The following SSX2IP variants were observed in gnomAD, a reference collection of about 807,000 sequenced individuals.
SSX2IP encodes afadin- and alpha-actinin-binding protein.
Under a neutral mutation model 84.9 loss-of-function variants are expected in SSX2IP, and 55 were observed. The observed-to-expected ratio is 0.65, with a 90% CI of 0.52 to 0.81. The LOEUF is 0.81. Among genes scored for constraint, SSX2IP ranks in the 30% least tolerant of loss-of-function variants. The pLI, the probability that SSX2IP is intolerant of heterozygous loss-of-function variation, is 0.00. For missense variants in SSX2IP, 664 were observed against 705.2 expected, an observed-to-expected ratio of 0.94 and a Z score of 0.66; for synonymous variants, 239 against 234.7, an observed-to-expected ratio of 1.02 and a Z score of -0.17.
intron 4 of SSX2IP, among the ~76,000 whole-genome samples, chr1:84,666,496 G>A (rs1652794209): frequency 6.6e-6 from 1 of 152,112 alleles, no homozygotes; most frequent in Non-Finnish European, 1.5e-5. Flanking sequence ...CCTGGAAAGA[G>A]CATCACTCCA....
intron 1 of SSX2IP, among the ~76,000 whole-genome samples, chr1:84,676,361 T>C (rs548046331): frequency 1.3e-5 from 2 of 152,320 alleles, no homozygotes; most frequent in African/African-American, 2.4e-5. Flanking sequence ...AATGTCTTTA[T>C]ACTGTAATAG....
At chr1:84,668,955 T>G (rs1653135439) in intron 4 of SSX2IP, among the ~76,000 whole-genome samples, 1 of 152,138 alleles carries the variant, frequency 6.6e-6, no homozygotes, top group Non-Finnish European at 1.5e-5. Context: ...AAATTTGACT[T>G]GGATTGATTT....
intron 1 of SSX2IP, among the ~76,000 whole-genome samples, chr1:84,686,300 A>G (rs903782503): frequency 6.6e-6 from 1 of 152,244 alleles, no homozygotes; most frequent in Non-Finnish European, 1.5e-5. Context: ...TGGCTGACTT[A>G]GTCAGTGACT....
chr1:84,643,887 C>T lies in SSX2IP; in HGVS notation c.*3546G>A, dbSNP rs184735946. On this transcript the variant is annotated 3_prime_UTR_variant, in exon 14 of 14. Coordinates refer to ENST00000342203, the MANE Select transcript of SSX2IP (RefSeq NM_001166293.2). ...CAGGAATCCATTATTTGTAAATGTT[C>T]AAAAAAACCTCAACCAGTCATTTGA... 1.3e-5 allele frequency: 2 copies of T among 152,024 alleles called. No homozygotes were observed. The highest frequency in any genetic ancestry group is 3.9e-4 in the East Asian group (2 of 5,180). 9.4% of individuals were successfully genotyped at this position (152,024 alleles called of 1,614,324 possible).
intron 11 of SSX2IP, 178 bp from the exon 12 acceptor site, chr1:84,652,175 A>G: frequency 3.7e-6 from 2 of 534,636 alleles, no homozygotes; most frequent in East Asian, 6.2e-5. Context: ...TAATCCCAGT[A>G]TTTTGGGAGG....
At chr1:84,688,817 C>A (rs1656167065) in intron 1 of SSX2IP, among the ~76,000 whole-genome samples, 1 of 152,178 alleles carries the variant, frequency 6.6e-6, no homozygotes, top group Non-Finnish European at 1.5e-5. Context: ...AGCTGCCTCA[C>A]CCATGTTACG....
At chr1:84,664,388 C>A in intron 6 of SSX2IP, 29 bp downstream of exon 6, 1 of 1,553,704 alleles carries the variant, frequency 6.4e-7, no homozygotes, top group Non-Finnish European at 8.6e-7. Flanking sequence ...CTTATTTATT[C>A]TCTTAGCTGA....
In SSX2IP at chr1:84,669,893, C is replaced by T; in HGVS notation, c.214G>A (p.Glu72Lys). Reference protein sequence around the residue: ...IEQSISYLDQELTTFGFPSLY... With the variant: ...IEQSISYLDQKLTTFGFPSLY... ...GAAGGAAAACCAAAAGTAGTCAATT[C>T]CTGGTAGGAGAAAATGTTTTCTTAA... The change falls in exon 4 of 14, where the codon GAA (glutamate) becomes AAA (lysine). Residue 72 changes from glutamate (E) to lysine (K), a missense_variant and splice_region_variant. Physicochemically the swap from Glu to Lys is moderately conservative, Grantham distance 56. Coordinates refer to ENST00000342203, the MANE Select transcript of SSX2IP (RefSeq NM_001166293.2). 6.2e-7 allele frequency: 1 copy of T among 1,610,714 alleles called. No homozygotes were observed. Among genetic ancestry groups the T allele is most frequent in the Non-Finnish European group, 8.5e-7 (1 of 1,178,064 alleles).
At chr1:84,647,710 T>A in intron 13 of SSX2IP, 103 bp from the exon 14 acceptor site, 2 of 800,900 alleles carry the variant, frequency 2.5e-6, no homozygotes, top group Non-Finnish European at 3.4e-6. Context: ...TCCTTTTAAT[T>A]CTAAAAATCT....
chr1:84,660,360 A>C (rs1651764469), intron 8 of SSX2IP, among the ~76,000 whole-genome samples: 1 of 152,186 alleles, frequency 6.6e-6, no homozygotes, highest in African/African-American at 2.4e-5. Flanking sequence ...TACTTTTGCT[A>C]ACTGAAATCT....
intron 8 of SSX2IP, among the ~76,000 whole-genome samples, chr1:84,659,595 C>T (rs12120069): frequency 3.3e-5 from 5 of 151,762 alleles, no homozygotes; most frequent in South Asian, 4.2e-4. Context: ...GTCAAGAGAT[C>T]GAAACCATCC....
chr1:84,672,580 A>G (rs1653737321), intron 1 of SSX2IP, among the ~76,000 whole-genome samples: 1 of 152,190 alleles, frequency 6.6e-6, no homozygotes, highest in African/African-American at 2.4e-5. Context: ...AGATCTGTGC[A>G]CTTGACTGTA....
At chr1:84,651,539 C>A (rs1338563358) in intron 12 of SSX2IP, among the ~76,000 whole-genome samples, 2 of 151,786 alleles carry the variant, frequency 1.3e-5, no homozygotes, top group African/African-American at 4.8e-5. Flanking sequence ...AACAGCCTGG[C>A]CAATATGGTA....
chr1:84,652,060 C>A, intron 11 of SSX2IP, 63 bp from the exon 12 acceptor site: 1 of 1,176,758 alleles, frequency 8.5e-7, no homozygotes, highest in South Asian at 1.2e-5. Context: ...TGCCATTTCA[C>A]ATGATTGCTC....
At chr1:84,650,073 T>C in intron 13 of SSX2IP, 1 of 632,402 alleles carries the variant, frequency 1.6e-6, no homozygotes, top group South Asian at 1.8e-5. Context: ...CTCCTATAAT[T>C]AAGACTACAT....
At chr1:84,652,306 T>G (rs543025264) in intron 11 of SSX2IP, 1 of 223,686 alleles carries the variant, frequency 4.5e-6, no homozygotes, top group East Asian at 8.8e-5. Flanking sequence ...GACTACAGTC[T>G]CAGCTACTTT....
chr1:84,676,819 T>TTCAAGCGA lies in SSX2IP; in HGVS notation c.-89-5519_-89-5512dup, dbSNP rs1440918081. 4.5e-5 allele frequency among the ~76,000 whole-genome samples: 6 copies of TTCAAGCGA among 133,790 alleles called. No homozygotes were observed. The Admixed American group carries it at 5.6e-4, about 12-fold the overall frequency. 87.8% of individuals were successfully genotyped at this position (133,790 alleles called of 152,430 possible). A position where few individuals can be genotyped will look rare whatever the true frequency, so the allele number is the denominator to read the frequency against. ...CTCAATGCTATCTCAGCCTCCCGGG[T>TTCAAGCGA]TCAAGCGATTCTCCTGCCTCAGCCT... is the stretch of plus-strand genomic sequence containing the variant. On this transcript the variant is annotated intron_variant, in intron 1 of 13. Coordinates refer to ENST00000342203, the MANE Select transcript of SSX2IP (RefSeq NM_001166293.2).
At chr1:84,684,610 A>T (rs1020662802) in intron 1 of SSX2IP, among the ~76,000 whole-genome samples, 1 of 152,170 alleles carries the variant, frequency 6.6e-6, no homozygotes, top group African/African-American at 2.4e-5. Flanking sequence ...GTCCACTCCT[A>T]GTGAAACCCA....
rs4579775 is a variant in SSX2IP, at chr1:84,687,369, C to A, written c.-90+3002G>T. 1.8e-4 allele frequency among the ~76,000 whole-genome samples: 28 copies of A among 152,152 alleles called. No individual in the cohort carries two copies. In the East Asian group the frequency reaches 5.2e-3, roughly 28 times the overall value. ...TTTTTGCTAATTTGAAAGACTATTT[C>A]TTCTCTCATCTCAGAATCCTACATT... On this transcript the variant is annotated intron_variant, in intron 1 of 13. Coordinates refer to ENST00000342203, the MANE Select transcript of SSX2IP (RefSeq NM_001166293.2).
Sources: gnomAD v4.1 joint callset for allele counts (sites outside exome capture counted in the v4.1 genomes callset) on GRCh38, gnomAD v4.1.1 for gene constraint, MANE v1.5 for transcripts, NCBI Gene and HGNC (gene_info 2026-07-23, HGNC 2026-07-21) for gene names.